LHFPL6: variants seen among roughly 807,000 people sequenced by gnomAD.
LHFPL6 encodes LHFPL tetraspan subfamily member 6, also known as LHFPL tetraspan subfamily member 6 protein.
In LHFPL6, 9 loss-of-function variants were observed where a neutral mutation model predicts 20.6. That is an observed-to-expected ratio of 0.44 (90% CI 0.26 to 0.76). The LOEUF (loss-of-function observed/expected upper bound fraction) is 0.76. Among genes scored for constraint, LHFPL6 ranks in the 30% least tolerant of loss-of-function variants. LHFPL6 has a pLI of 0.20. For missense variants in LHFPL6, 218 were observed against 253.5 expected (o/e 0.86, Z 0.95); for synonymous variants, 105 against 98.7 (o/e 1.06, Z -0.38).
At chr13:39,450,798 T>C (rs1225493706) in intron 2 of LHFPL6, among the ~76,000 whole-genome samples, 1 of 152,196 alleles carries the variant, frequency 6.6e-6, no homozygotes, top group Non-Finnish European at 1.5e-5. Context: ...TTTTGTGATA[T>C]GTATAATATT....
intron 2 of LHFPL6, among the ~76,000 whole-genome samples, chr13:39,422,602 A>G (rs7985578): frequency 0.11 from 13,095 of 114,270 alleles, 858 homozygotes; most frequent in East Asian, 0.3. Flanking sequence ...AAAAAAAAAA[A>G]AAGAAGAAGA....
At chr13:39,439,791 C>A (rs936243560) in intron 2 of LHFPL6, among the ~76,000 whole-genome samples, 1 of 152,142 alleles carries the variant, frequency 6.6e-6, no homozygotes, top group African/African-American at 2.4e-5. Context: ...TGTGAAGTGC[C>A]TACCTCACTC....
At chr13:39,574,506 C>CAAATAAA (rs905763433) in intron 2 of LHFPL6, among the ~76,000 whole-genome samples, 1 of 149,940 alleles carries the variant, frequency 6.7e-6, no homozygotes, top group African/African-American at 2.4e-5. Context: ...AAAAAGATTA[C>CAAATAAA]AAATAAACAT....
intron 2 of LHFPL6, among the ~76,000 whole-genome samples, chr13:39,500,099 C>CAAA (rs1218654448): frequency 6.6e-6 from 1 of 152,122 alleles, no homozygotes; most frequent in African/African-American, 2.4e-5. Context: ...CCCCCAAGGT[C>CAAA]CTGCCTCAGT....
intron 2 of LHFPL6, among the ~76,000 whole-genome samples, chr13:39,548,968 G>GA (rs1213573724): frequency 6.6e-6 from 1 of 152,050 alleles, no homozygotes; most frequent in Non-Finnish European, 1.5e-5. Context: ...AGAAAAAGAT[G>GA]AAAAAACAAG....
chr13:39,528,709 C>T (rs950928704), intron 2 of LHFPL6, among the ~76,000 whole-genome samples: 3 of 152,154 alleles, frequency 2.0e-5, no homozygotes, highest in African/African-American at 7.2e-5. Context: ...CACATCTGGG[C>T]TACAATTCTT....
chr13:39,579,840 C>T (rs772126106), intron 2 of LHFPL6, among the ~76,000 whole-genome samples: 9 of 152,124 alleles, frequency 5.9e-5, no homozygotes, highest in Non-Finnish European at 1.2e-4. Context: ...GGTAGAATAA[C>T]AATGGCATCT....
rs574076836 is a variant in LHFPL6, at chr13:39,494,888, T to C, written c.385+105944A>G. Among the ~76,000 whole-genome samples, 4 of 152,330 alleles carry C rather than the reference T, an allele frequency of 2.6e-5. No individual in the cohort carries two copies. In the East Asian group the frequency reaches 7.7e-4, roughly 29 times the overall value. On this transcript the variant is annotated intron_variant, in intron 2 of 3. Coordinates refer to ENST00000379589, the MANE Select transcript of LHFPL6 (RefSeq NM_005780.3). ...AAATTAATTAGTTCAGAATTTTCCA[T>C]TTTTATTAACAGATTGCTTATACTA...
chr13:39,420,921 T>C (rs1871467072), intron 2 of LHFPL6, among the ~76,000 whole-genome samples: 1 of 152,210 alleles, frequency 6.6e-6, no homozygotes, highest in African/African-American at 2.4e-5. Flanking sequence ...TCCGTTCTTA[T>C]AGACAGCAAT....
At chr13:39,447,360 AT>A (rs928703279) in intron 2 of LHFPL6, among the ~76,000 whole-genome samples, 7 of 151,872 alleles carry the variant, frequency 4.6e-5, no homozygotes, top group African/African-American at 1.5e-4. Flanking sequence ...ACTTCACGAT[AT>A]TTTTTTTAAA....
intron 2 of LHFPL6, among the ~76,000 whole-genome samples, chr13:39,421,704 G>T (rs991839072): frequency 2.6e-5 from 4 of 152,148 alleles, no homozygotes; most frequent in African/African-American, 9.6e-5. Flanking sequence ...ATTCACAGCT[G>T]TCATCTGTTT....
chr13:39,472,348 G>T (rs923603283), intron 2 of LHFPL6, among the ~76,000 whole-genome samples: 2 of 151,958 alleles, frequency 1.3e-5, no homozygotes, highest in Non-Finnish European at 2.9e-5. Context: ...CTCTCTTAAA[G>T]GCTCTTCTCC....
intron 3 of LHFPL6, among the ~76,000 whole-genome samples, chr13:39,349,047 C>T (rs545275000): frequency 6.6e-6 from 1 of 152,064 alleles, no homozygotes; most frequent in African/African-American, 2.4e-5. Context: ...GACATATATG[C>T]AAGTTTGTGT....
rs886448627 is a variant in LHFPL6, at chr13:39,603,135, G to A, written c.-427C>T. ...CGAGTCCGCGGCGGCAGCTCTGGCG[G>A]AGCGCTGTGGGCGCGCGCGGGCGCC... On this transcript the variant is annotated 5_prime_UTR_variant, in exon 1 of 4. Transcript: ENST00000379589. 6.6e-6 allele frequency: 1 copy of A among 152,340 alleles called. No individual in the cohort carries two copies. The highest frequency in any genetic ancestry group is 2.4e-5 in the African/African-American group (1 of 41,434). 9.4% of individuals were successfully genotyped at this position (152,340 alleles called of 1,614,324 possible).
At chr13:39,344,949 T>C (rs1869350322) in intron 3 of LHFPL6, among the ~76,000 whole-genome samples, 1 of 152,214 alleles carries the variant, frequency 6.6e-6, no homozygotes, top group African/African-American at 2.4e-5. Context: ...ATGGAATGGA[T>C]TTCTGCATTC....
intron 2 of LHFPL6, among the ~76,000 whole-genome samples, chr13:39,567,808 G>C (rs1871774617): frequency 1.3e-5 from 2 of 152,174 alleles, no homozygotes; most frequent in African/African-American, 4.8e-5. Flanking sequence ...TGTAAATAAA[G>C]TTTTATTGGA....
At chr13:39,406,676 G>A (rs960641086) in intron 2 of LHFPL6, among the ~76,000 whole-genome samples, 3 of 152,172 alleles carry the variant, frequency 2.0e-5, no homozygotes, top group Non-Finnish European at 4.4e-5. Flanking sequence ...CCATTTTAAT[G>A]TAATCACAGT....
Position 39,383,897 on chromosome 13 carries a change from C to T in LHFPL6, c.386-5371G>A, listed in dbSNP as rs1387750025. Reference sequence around the variant, plus strand: ...TTTCCAGGTGTCCCCCTCCTCATCACCCACTAAGGGTGGATTATCAGCTGT... The same window carrying T: ...TTTCCAGGTGTCCCCCTCCTCATCATCCACTAAGGGTGGATTATCAGCTGT... On this transcript the variant is annotated intron_variant, in intron 2 of 3. Coordinates refer to ENST00000379589, the MANE Select transcript of LHFPL6 (RefSeq NM_005780.3). Among the ~76,000 whole-genome samples, 7 of 152,224 alleles carry T rather than the reference C, an allele frequency of 4.6e-5. 1 individual carries two copies. The highest frequency in any genetic ancestry group is 4.6e-4 in the Admixed American group (7 of 15,284).
chr13:39,500,309 C>T (rs1869249535), intron 2 of LHFPL6, among the ~76,000 whole-genome samples: 1 of 152,062 alleles, frequency 6.6e-6, no homozygotes, highest in South Asian at 2.1e-4. Context: ...GGCTCAAGAT[C>T]CTTCCACTTC....
Sources: allele counts gnomAD v4.1 joint callset (sites outside exome capture counted in the v4.1 genomes callset), GRCh38; gene constraint gnomAD v4.1.1; transcripts MANE v1.5; gene names NCBI Gene and HGNC (gene_info 2026-07-23, HGNC 2026-07-21).